Variants in KIF4A observed in about 807,000 individuals in gnomAD.
KIF4A encodes kinesin family member 4A, also known as chromosome-associated kinesin KIF4A.
KIF4A carries 7 observed loss-of-function variants against 105.9 expected under a neutral mutation model. That is an observed-to-expected ratio of 0.07 (90% CI 0.04 to 0.12). The LOEUF (loss-of-function observed/expected upper bound fraction) is 0.12. Among genes scored for constraint, KIF4A ranks in the 10% least tolerant of loss-of-function variants. The pLI is 1.00. For missense variants in KIF4A, 558 were observed against 929.2 expected, an observed-to-expected ratio of 0.60 and a Z score of 5.19; for synonymous variants, 281 against 331.3, an observed-to-expected ratio of 0.85 and a Z score of 1.65.
At position 70,330,152 on chromosome X, in the gene KIF4A, T is replaced by C; in HGVS notation, c.896-5T>C. 1.7e-6 allele frequency: 2 copies of C among 1,170,385 alleles called. No homozygotes were observed. The highest frequency in any genetic ancestry group is 3.5e-5 in the African/African-American group (2 of 56,405). On this transcript the variant is annotated splice_region_variant and splice_polypyrimidine_tract_variant and intron_variant, in intron 8 of 30. Coordinates refer to ENST00000374403, the MANE Select transcript of KIF4A (RefSeq NM_012310.5). The stretch of plus-strand genomic sequence containing the variant: ...CTTTCGTTATTCTTTATTGTTCTTT[T>C]TCAGATTCTCTAGGAGGTAATAGCC...
chrX:70,375,221 G>A lies in KIF4A; in HGVS notation c.1796G>A (p.Arg599His). The A allele has an allele frequency of 4.1e-6, 5 of 1,210,501 alleles. No individual in the cohort carries two copies. The highest frequency in any genetic ancestry group is 1.7e-5 in the African/African-American group (1 of 57,711). Residue 599 changes from arginine (R) to histidine (H), a missense_variant, in exon 17 of 31, where the codon CGC becomes CAC. By Grantham distance (29) the Arg-to-His change is conservative. Around this residue, in one of 2 missense-constraint regions of KIF4A, gnomAD observed 469 missense variants for 680.4 expected, o/e 0.69. Coordinates refer to ENST00000374403, the MANE Select transcript of KIF4A (RefSeq NM_012310.5). Reference protein sequence around the residue: ...ANQAKLSERRRKRLQELEGQI... With the variant: ...ANQAKLSERRHKRLQELEGQI... ...GTGTTTAGGTTGAGTGAGCGCCGCC[G>A]CAAACGTCTCCAGGAGCTGGAGGGT...
chrX:70,388,077 C>A (rs1042214202), intron 20 of KIF4A, among the ~76,000 whole-genome samples: 1 of 110,982 alleles, frequency 9.0e-6, no homozygotes, highest in Non-Finnish European at 1.9e-5. Flanking sequence ...TCTTTATATC[C>A]CCACAGTGGT....
intron 15 of KIF4A, among the ~76,000 whole-genome samples, chrX:70,370,310 C>T (rs1350558892): frequency 1.0e-4 from 11 of 110,302 alleles, no homozygotes; most frequent in Non-Finnish European, 7.6e-5. Context: ...GATAACAGTG[C>T]TTACTTCTGG....
rs780288402 is a variant in KIF4A at position 70,386,688 on chromosome X, G to A, written c.2105G>A (p.Arg702His). 2 of 1,197,590 alleles carry A rather than the reference G, an allele frequency of 1.7e-6. No individual in the cohort carries two copies. Among genetic ancestry groups the A allele is most frequent in the African/African-American group, 1.7e-5 (1 of 57,560 alleles). The change falls in exon 19 of 31, where the codon CGT becomes CAT. Residue 702 changes from arginine to histidine, a missense_variant. Around this residue, in one of 2 missense-constraint regions of KIF4A, gnomAD observed 469 missense variants for 680.4 expected, o/e 0.69. Transcript: ENST00000374403. ...NFQKQSNVLR[R>H]KTEEAAAANK... ...CAGAAACAATCCAATGTGCTCAGACGTAAAACGGAGGAGGTAAGAAAATTC... is the reference window on the plus strand; with the variant it reads ...CAGAAACAATCCAATGTGCTCAGACATAAAACGGAGGAGGTAAGAAAATTC...
chrX:70,384,991 CAG>C (rs772629498), intron 18 of KIF4A, among the ~76,000 whole-genome samples: 26 of 109,453 alleles, frequency 2.4e-4, no homozygotes, highest in African/African-American at 8.0e-4. Context: ...TTAGTAGAGA[CAG>C]AGTTTCGCCA....
intron 7 of KIF4A, among the ~76,000 whole-genome samples, chrX:70,312,786 A>C (rs181279806): frequency 9.0e-6 from 1 of 111,722 alleles, no homozygotes; most frequent in Non-Finnish European, 1.9e-5. Context: ...CTAATCTTAT[A>C]ATTTTGAGAA....
intron 22 of KIF4A, among the ~76,000 whole-genome samples, chrX:70,397,349 G>A (rs1263361090): frequency 3.6e-5 from 4 of 111,284 alleles, no homozygotes; most frequent in African/African-American, 1.3e-4. Flanking sequence ...CTGGGCGACA[G>A]AGTGAGATTC....
At chrX:70,349,898 C>T (rs1226379723) in intron 13 of KIF4A, among the ~76,000 whole-genome samples, 32 of 90,834 alleles carry the variant, frequency 3.5e-4, no homozygotes, top group South Asian at 2.9e-3. Context: ...GGGTGGCGGC[C>T]GGGCAGAGAC....
intron 7 of KIF4A, among the ~76,000 whole-genome samples, chrX:70,324,569 C>T (rs1384041113): frequency 9.0e-6 from 1 of 111,721 alleles, no homozygotes; most frequent in Non-Finnish European, 1.9e-5. Flanking sequence ...TCCACTGCTG[C>T]AGTTCTCAGA....
intron 15 of KIF4A, among the ~76,000 whole-genome samples, chrX:70,363,865 A>G (rs1466787142): frequency 8.9e-6 from 1 of 112,022 alleles, no homozygotes. Flanking sequence ...CCAACAGTGT[A>G]AAAGTGTCCC....
chrX:70,372,512 G>A (rs761682093), intron 15 of KIF4A, among the ~76,000 whole-genome samples: 25 of 114,235 alleles, frequency 2.2e-4, no homozygotes, highest in Admixed American at 1.6e-3. Context: ...GCGTGGTGGC[G>A]CGCGCCTGCA....
intron 18 of KIF4A, among the ~76,000 whole-genome samples, chrX:70,379,202 A>G (rs2086187558): frequency 9.0e-6 from 1 of 110,925 alleles, no homozygotes; most frequent in African/African-American, 3.3e-5. Flanking sequence ...AAGAAAGAAA[A>G]TTTAAATTAC....
chrX:70,371,665 A>G (rs1391820291), intron 15 of KIF4A, among the ~76,000 whole-genome samples: 1 of 83,123 alleles, frequency 1.2e-5, no homozygotes, highest in African/African-American at 4.7e-5. Flanking sequence ...TGACCCCCCT[A>G]CCTCCCTCCC....
intron 7 of KIF4A, among the ~76,000 whole-genome samples, chrX:70,328,705 A>G (rs986661356): frequency 8.9e-6 from 1 of 111,805 alleles, no homozygotes; most frequent in Non-Finnish European, 1.9e-5. Flanking sequence ...TTTTAACACC[A>G]ACTATGCACT....
At chrX:70,399,793 G>A (rs1486681669) in intron 22 of KIF4A, among the ~76,000 whole-genome samples, 1 of 57,028 alleles carries the variant, frequency 1.8e-5, no homozygotes, top group Non-Finnish European at 3.0e-5. Flanking sequence ...ACACTCTGGG[G>A]ACTGTTGTGG....
At chrX:70,295,332 C>T (rs2085777614) in intron 3 of KIF4A, among the ~76,000 whole-genome samples, 1 of 109,026 alleles carries the variant, frequency 9.2e-6, no homozygotes, top group African/African-American at 3.3e-5. Context: ...CCCACCATCA[C>T]ACCCAGCTAA....
At chrX:70,415,898 A>C (rs1602819337) in intron 28 of KIF4A, among the ~76,000 whole-genome samples, 1 of 74,842 alleles carries the variant, frequency 1.3e-5, no homozygotes, top group East Asian at 3.8e-4. Context: ...ACGGAGTTTC[A>C]CTCTTGTCGC....
chrX:70,302,838 T>C (rs2085809862), intron 7 of KIF4A, among the ~76,000 whole-genome samples: 1 of 111,883 alleles, frequency 8.9e-6, no homozygotes, highest in South Asian at 3.7e-4. Context: ...TGATGTAGGC[T>C]ATTAGAAACC....
At chrX:70,347,435 C>A (rs1313490433) in intron 13 of KIF4A, among the ~76,000 whole-genome samples, 2 of 111,940 alleles carry the variant, frequency 1.8e-5, no homozygotes, top group African/African-American at 6.5e-5. Flanking sequence ...TAAGCTTAAA[C>A]CTTAGTATTG....
Sources: allele counts gnomAD v4.1 joint callset (sites outside exome capture counted in the v4.1 genomes callset), GRCh38; gene constraint gnomAD v4.1.1; regional missense constraint gnomAD v4.1.1; transcripts MANE v1.5; gene names NCBI Gene and HGNC (gene_info 2026-07-23, HGNC 2026-07-21).